Variants in KCNH3 observed in about 807,000 individuals in gnomAD.
KCNH3 encodes the protein potassium voltage-gated channel subfamily H member 3, also known as voltage-gated inwardly rectifying potassium channel KCNH3.
In KCNH3, 36 loss-of-function variants were observed where a neutral mutation model predicts 95.6. The observed-to-expected ratio is 0.38, with a 90% confidence interval of 0.29 to 0.50. The LOEUF is 0.50. Among genes scored for constraint, KCNH3 ranks in the 20% least tolerant of loss-of-function variants. The pLI, the probability that KCNH3 is intolerant of heterozygous loss-of-function variation, is 0.95. For synonymous variants in KCNH3, 620 were observed against 646.3 expected (o/e 0.96, Z 0.62); for missense variants, 1,030 against 1,484.1 (o/e 0.69, Z 5.03).
At chr12:49,549,274 C>A (rs1429220965) in intron 8 of KCNH3, 101 bp downstream of exon 8, 11 of 1,474,386 alleles carry the variant, frequency 7.5e-6, no homozygotes, top group African/African-American at 1.4e-5. Flanking sequence ...GGGGCTCTTC[C>A]GCTTTAGGTG....
chr12:49,550,415 C>T, intron 10 of KCNH3, 86 bp downstream of exon 10: 1 of 1,474,922 alleles, frequency 6.8e-7, no homozygotes, highest in Non-Finnish European at 9.1e-7. Context: ...GAGGGGACCT[C>T]CACAAGGCCA....
Position 49,539,291 on chromosome 12 carries a change from A to G in KCNH3, c.-126A>G, listed in dbSNP as rs2138133252. On this transcript the variant is annotated 5_prime_UTR_variant, in exon 1 of 15. Transcript: ENST00000257981. The surrounding 1 kb of genome is among the most constrained non-coding windows in gnomAD (Gnocchi z 6.7). ...CGCGACCCCGGATCCCGGTCTGCGC[A>G]TTGCCCCCCGACGGCTGCGCTAGGG... 2.4e-6 allele frequency: 1 copy of G among 410,934 alleles called. No individual in the cohort carries two copies. Among genetic ancestry groups the G allele is most frequent in the African/African-American group, 2.1e-5 (1 of 47,110 alleles). The allele number at this position is 410,934 out of a possible 1,614,324, so 25.5% of individuals were successfully genotyped here. A position where few individuals can be genotyped will look rare whatever the true frequency, so the allele number is the denominator to read the frequency against.
intron 3 of KCNH3, 32 bp downstream of exon 3, chr12:49,541,796 T>C (rs1454536766): frequency 6.2e-7 from 1 of 1,611,982 alleles, no homozygotes; most frequent in Non-Finnish European, 8.5e-7. Flanking sequence ...GGTCGGGGTA[T>C]TGGGTGCCGC....
At chr12:49,547,838 T>C (rs1227215514) in intron 7 of KCNH3, among the ~76,000 whole-genome samples, 1 of 152,056 alleles carries the variant, frequency 6.6e-6, no homozygotes, top group East Asian at 1.9e-4. Flanking sequence ...CTCACCATTC[T>C]AGATCAGCCA....
intron 4 of KCNH3, 94 bp downstream of exon 4, chr12:49,542,933 G>A: frequency 4.8e-6 from 7 of 1,465,106 alleles, no homozygotes; most frequent in Non-Finnish European, 6.4e-6. Context: ...AATGTCCTAG[G>A]GGCCACCCAG....
chr12:49,543,961 G>C lies in KCNH3; in HGVS notation c.870G>C (p.Gln290His), dbSNP rs753490202. Residue 290 changes from glutamine to histidine, a missense_variant, in exon 6 of 15, where the codon CAG becomes CAC. Physicochemically the swap from Gln to His is conservative, Grantham distance 24. Transcript: ENST00000257981. ...CCACATTCGTGTCCAAGTCGGGCCA[G>C]GTGGTGTTTGCCCCAAAGTCCATTT... Reference protein sequence around the residue: ...FRTTFVSKSGQVVFAPKSICL... With the variant: ...FRTTFVSKSGHVVFAPKSICL... The C allele has an allele frequency of 1.9e-6, 3 of 1,613,574 alleles. No homozygotes were observed. The highest frequency in any genetic ancestry group is 2.5e-6 in the Non-Finnish European group (3 of 1,179,558).
Position 49,539,566 on chromosome 12 carries a change from C to T in KCNH3, c.76+74C>T, listed in dbSNP as rs1565772301. ...AGGGCTCCCGCCTTCCCCGAACCCC[C>T]AGCAGCCCAGCTTGGCGCCAGCCTA... On this transcript the variant is annotated intron_variant, in intron 1 of 14. Transcript: ENST00000257981. The surrounding 1 kb of genome is among the most constrained non-coding windows in gnomAD (Gnocchi z 6.7). 2 of 1,338,086 alleles carry T rather than the reference C, an allele frequency of 1.5e-6. No individual in the cohort carries two copies. Among genetic ancestry groups the T allele is most frequent in the East Asian group, 2.8e-5 (1 of 36,256 alleles). 82.9% of individuals were successfully genotyped at this position (1,338,086 alleles called of 1,614,324 possible). A position where few individuals can be genotyped will look rare whatever the true frequency, so the allele number is the denominator to read the frequency against.
intron 13 of KCNH3, 60 bp downstream of exon 13, chr12:49,556,536 A>G: frequency 1.7e-6 from 2 of 1,209,536 alleles, no homozygotes; most frequent in Non-Finnish European, 2.5e-6. Flanking sequence ...TGTGAACCTC[A>G]AGCACTGTTG....
chr12:49,542,877 G>A lies in KCNH3; in HGVS notation c.579+38G>A, dbSNP rs1186593911. Reference sequence around the variant, plus strand: ...CTGGGATGTGTGGGAGAGGGGAGGGGCAGACGCAGAAGATGGGGAAGGGGA... The same window carrying A: ...CTGGGATGTGTGGGAGAGGGGAGGGACAGACGCAGAAGATGGGGAAGGGGA... On this transcript the variant is annotated intron_variant, in intron 4 of 14. Coordinates refer to ENST00000257981, the MANE Select transcript of KCNH3 (RefSeq NM_012284.3). The A allele has an allele frequency of 4.4e-6, 7 of 1,593,586 alleles. No individual in the cohort carries two copies. The Admixed American group carries it at 5.4e-5, about 12-fold the overall frequency.
Position 49,558,282 on chromosome 12 carries a change from A to T in KCNH3, c.*329A>T. The T allele has an allele frequency of 2.5e-6, 1 of 394,262 alleles. No individual in the cohort carries two copies. Among genetic ancestry groups the T allele is most frequent in the East Asian group, 3.7e-5 (1 of 27,246 alleles). 24.4% of individuals were successfully genotyped at this position (394,262 alleles called of 1,614,324 possible). On this transcript the variant is annotated 3_prime_UTR_variant, in exon 15 of 15. Transcript: ENST00000257981. Reference sequence around the variant, plus strand: ...TGTCCCCAAATTTTTATATTAAAAAAAAAAAATAAAATAAACTACTTTGGA... The same window carrying T: ...TGTCCCCAAATTTTTATATTAAAAATAAAAAATAAAATAAACTACTTTGGA...
At position 49,539,538 on chromosome 12, in the gene KCNH3, G is replaced by T. The variant is rs185234319; in HGVS notation, c.76+46G>T. On this transcript the variant is annotated intron_variant, in intron 1 of 14. Transcript: ENST00000257981. This position sits in a 1 kb window ranked among gnomAD's most constrained non-coding sequence, Gnocchi z 6.7. Reference sequence around the variant, plus strand: ...CTTGCACCCGGGCCGCCGGACCCTCGCCAGGGCTCCCGCCTTCCCCGAACC... The same window carrying T: ...CTTGCACCCGGGCCGCCGGACCCTCTCCAGGGCTCCCGCCTTCCCCGAACC... 1,182 of 1,528,302 alleles carry T rather than the reference G, an allele frequency of 7.7e-4. 3 individuals are homozygous for T. The Middle Eastern group carries it at 0.012, about 16-fold the overall frequency. 94.7% of individuals were successfully genotyped at this position (1,528,302 alleles called of 1,614,324 possible). A position where few individuals can be genotyped will look rare whatever the true frequency, so the allele number is the denominator to read the frequency against.
chr12:49,548,119 TGTGTGTGTGTGTGTGC>T (rs1177063950), intron 7 of KCNH3, among the ~76,000 whole-genome samples: 3 of 151,768 alleles, frequency 2.0e-5, no homozygotes, highest in Non-Finnish European at 2.9e-5. Context: ...TGTGTGTGTG[TGTGTGTGTGTGTGTGC>T]GCGCGCACCT....
chr12:49,545,277 C>T (rs900802678), intron 7 of KCNH3, among the ~76,000 whole-genome samples: 1 of 152,064 alleles, frequency 6.6e-6, no homozygotes, highest in African/African-American at 2.4e-5. Context: ...CATTCCATTC[C>T]AGCTGTTTTT....
chr12:49,550,334 G>C lies in KCNH3; in HGVS notation c.1918+5G>C. The C allele has an allele frequency of 6.3e-7, 1 of 1,596,414 alleles. No individual in the cohort carries two copies. The highest frequency in any genetic ancestry group is 8.5e-7 in the Non-Finnish European group (1 of 1,171,796). On this transcript the variant is annotated splice_donor_5th_base_variant and intron_variant, in intron 10 of 14. Coordinates refer to ENST00000257981, the MANE Select transcript of KCNH3 (RefSeq NM_012284.3). ...GCACCGTGCTCGCCATCCTAGGTTT[G>C]TGAGGGTGGGAGAGAGGGCGTGGGG... is the stretch of plus-strand genomic sequence containing the variant.
intron 7 of KCNH3, among the ~76,000 whole-genome samples, chr12:49,544,757 A>C (rs1249727474): frequency 1.6e-5 from 2 of 126,356 alleles, no homozygotes; most frequent in Admixed American, 8.5e-5. Flanking sequence ...GCTTGTCCCC[A>C]CCACCTTGGC....
intron 13 of KCNH3, 120 bp from the exon 14 acceptor site, chr12:49,557,063 T>A: frequency 1.0e-6 from 1 of 975,522 alleles, no homozygotes; most frequent in Non-Finnish European, 1.6e-6. Context: ...CCAGAAGAGA[T>A]GATCCTAGGA....
Position 49,556,407 on chromosome 12 carries a change from C to G in KCNH3, c.2506C>G (p.Gln836Glu). 1 of 1,614,030 alleles carries G rather than the reference C, an allele frequency of 6.2e-7. No homozygotes were observed. Among genetic ancestry groups the G allele is most frequent in the Non-Finnish European group, 8.5e-7 (1 of 1,179,930 alleles). The change falls in exon 13 of 15, where the codon CAG (glutamine) becomes GAG (glutamate). Residue 836 changes from glutamine to glutamate, a missense_variant. This residue lies in a region of KCNH3 where 464 missense variants were observed against 493.2 expected (regional missense o/e 0.94). Coordinates refer to ENST00000257981, the MANE Select transcript of KCNH3 (RefSeq NM_012284.3). Reference sequence around the variant, plus strand: ...CATTGAAGACGGCTGTGGCTCGGACCAGCCCAAGTTCTCTTTCCGCGTGGG... The same window carrying G: ...CATTGAAGACGGCTGTGGCTCGGACGAGCCCAAGTTCTCTTTCCGCGTGGG... ...DGIEDGCGSD[Q>E]PKFSFRVGQS...
chr12:49,550,043 T>TACCCCC, intron 9 of KCNH3, 37 bp from the exon 10 acceptor site: 5 of 1,299,540 alleles, frequency 3.8e-6, no homozygotes, highest in East Asian at 5.0e-5. Context: ...CTTCTGCCAC[T>TACCCCC]CCCAACCCCC....
At chr12:49,556,257 T>C (rs989026973) in intron 12 of KCNH3, 113 bp from the exon 13 acceptor site, 8 of 788,322 alleles carry the variant, frequency 1.0e-5, no homozygotes, top group Admixed American at 2.0e-5. Flanking sequence ...GGGCTCCTGG[T>C]CAGTTCCACG....
Sources: gnomAD v4.1 joint callset for allele counts (sites outside exome capture counted in the v4.1 genomes callset) on GRCh38, gnomAD v4.1.1 for gene constraint, gnomAD v4.1.1 regional missense constraint, Gnocchi (gnomAD v3.1) non-coding constraint, MANE v1.5 for transcripts, NCBI Gene and HGNC (gene_info 2026-07-23, HGNC 2026-07-21) for gene names.